Variants in PTPRM observed in about 807,000 individuals in gnomAD.
PTPRM encodes the protein protein tyrosine phosphatase receptor type M, also known as receptor-type tyrosine-protein phosphatase mu.
In PTPRM, 47 loss-of-function variants were observed where a neutral mutation model predicts 186.7. The observed-to-expected ratio is 0.25, with a 90% CI of 0.20 to 0.32. The LOEUF (loss-of-function observed/expected upper bound fraction) is 0.32, where lower values mean the gene tolerates loss of function less well. Ranked by LOEUF, PTPRM falls within the 10% of genes least tolerant of loss-of-function variation. The pLI is 1.00. For missense variants in PTPRM, 1,494 were observed against 1,865.0 expected, an observed-to-expected ratio of 0.80 and a Z score of 3.66; for synonymous variants, 668 against 674.9, an observed-to-expected ratio of 0.99 and a Z score of 0.16.
intron 1 of PTPRM, among the ~76,000 whole-genome samples, chr18:7,598,410 G>A (rs1183368995): frequency 1.3e-5 from 2 of 152,294 alleles, no homozygotes; most frequent in African/African-American, 2.4e-5. Flanking sequence ...AGACAAACAT[G>A]TTTGGTATTC....
chr18:7,777,900 G>A (rs1332596846), intron 2 of PTPRM, among the ~76,000 whole-genome samples: 7 of 152,108 alleles, frequency 4.6e-5, no homozygotes, highest in Admixed American at 3.9e-4. Context: ...TGTCATGCTA[G>A]CACTTTGGGA....
chr18:7,599,187 T>G (rs947607379), intron 1 of PTPRM, among the ~76,000 whole-genome samples: 1 of 152,188 alleles, frequency 6.6e-6, no homozygotes, highest in Non-Finnish European at 1.5e-5. Flanking sequence ...AAAGGAACTT[T>G]GAAGTCTTTA....
At chr18:7,890,572 A>C (rs1208168736) in intron 3 of PTPRM, among the ~76,000 whole-genome samples, 1 of 152,130 alleles carries the variant, frequency 6.6e-6, no homozygotes, top group Non-Finnish European at 1.5e-5. Flanking sequence ...ACACGTGTAA[A>C]TTGTTAAGAT....
intron 1 of PTPRM, among the ~76,000 whole-genome samples, chr18:7,696,792 A>G (rs1218199517): frequency 6.6e-6 from 1 of 152,224 alleles, no homozygotes; most frequent in Non-Finnish European, 1.5e-5. Context: ...TTGTTAACAC[A>G]TCAAACTTGA....
At position 7,577,278 on chromosome 18, in the gene PTPRM, T is replaced by C. The variant is rs534488731; in HGVS notation, c.73+9387T>C. ...AAAGTAAGACTGTAGTTTTATTGTG[T>C]ATAATAAAAATGTATAAATCAGTTA... On this transcript the variant is annotated intron_variant, in intron 1 of 32. Coordinates refer to ENST00000580170, the MANE Select transcript of PTPRM (RefSeq NM_001105244.2). Among the ~76,000 whole-genome samples, 6 of 152,344 alleles carry C rather than the reference T, an allele frequency of 3.9e-5. No individual in the cohort carries two copies. The East Asian group carries it at 5.8e-4, about 15-fold the overall frequency.
At chr18:8,274,962 C>T (rs2094816518) in intron 19 of PTPRM, among the ~76,000 whole-genome samples, 1 of 152,206 alleles carries the variant, frequency 6.6e-6, no homozygotes, top group South Asian at 2.1e-4. Context: ...GATTATCCTT[C>T]AGCCTGCAGT....
At chr18:8,282,334 A>G (rs1211526390) in intron 19 of PTPRM, among the ~76,000 whole-genome samples, 1 of 152,240 alleles carries the variant, frequency 6.6e-6, no homozygotes, top group Non-Finnish European at 1.5e-5. Context: ...GAACTGGTAC[A>G]GCCACTCTGG....
intron 11 of PTPRM, among the ~76,000 whole-genome samples, chr18:8,099,684 C>T (rs1238384883): frequency 6.6e-6 from 1 of 152,154 alleles, no homozygotes; most frequent in South Asian, 2.1e-4. Context: ...CCTCCCAGTT[C>T]CCACCAAATG....
In PTPRM at chr18:7,642,279, G is replaced by A. The variant is rs954875177; in HGVS notation, c.73+74388G>A. Among the ~76,000 whole-genome samples the A allele has an allele frequency of 1.1e-4, 17 of 152,260 alleles. No homozygotes were observed. The South Asian group carries it at 2.9e-3, about 26-fold the overall frequency. On this transcript the variant is annotated intron_variant, in intron 1 of 32. Coordinates refer to ENST00000580170, the MANE Select transcript of PTPRM (RefSeq NM_001105244.2). ...TACAGCAGTGGGCCCTGGGAGGAAC[G>A]GCATATACATTAAACTCCTTCCAGA...
intron 32 of PTPRM, among the ~76,000 whole-genome samples, chr18:8,396,643 A>G (rs1218349712): frequency 6.6e-6 from 1 of 152,188 alleles, no homozygotes; most frequent in Non-Finnish European, 1.5e-5. Flanking sequence ...TTTTTGTATT[A>G]TGTGTGATCC....
intron 1 of PTPRM, among the ~76,000 whole-genome samples, chr18:7,637,733 T>C (rs2038352749): frequency 6.6e-6 from 1 of 152,234 alleles, no homozygotes; most frequent in African/African-American, 2.4e-5. Flanking sequence ...AAGATGGACT[T>C]GTTGAAAGTT....
intron 7 of PTPRM, among the ~76,000 whole-genome samples, chr18:8,054,871 G>T (rs1019915876): frequency 6.6e-6 from 1 of 151,948 alleles, no homozygotes; most frequent in Non-Finnish European, 1.5e-5. Context: ...ATTTTGTCTT[G>T]ATCCTTGAAT....
chr18:7,733,689 C>G (rs2144422609), intron 1 of PTPRM, among the ~76,000 whole-genome samples: 1 of 152,292 alleles, frequency 6.6e-6, no homozygotes, highest in African/African-American at 2.4e-5. Context: ...AAGGAATGCT[C>G]TCAGCAAACA....
In PTPRM at chr18:7,574,892, C is replaced by T. The variant is rs1327279848; in HGVS notation, c.73+7001C>T. On this transcript the variant is annotated intron_variant, in intron 1 of 32. Transcript: ENST00000580170. ...TAAAAATACAAAAAAATTAGCCGGG[C>T]GTGTTGGTGGGCGCCTGTAGTCCCA... 2.6e-5 allele frequency among the ~76,000 whole-genome samples: 4 copies of T among 152,144 alleles called. No individual in the cohort carries two copies. The East Asian group carries it at 5.8e-4, about 22-fold the overall frequency.
intron 3 of PTPRM, among the ~76,000 whole-genome samples, chr18:7,904,418 G>A (rs2049868958): frequency 6.6e-6 from 1 of 152,076 alleles, no homozygotes; most frequent in South Asian, 2.1e-4. Context: ...TCTCCCTCCT[G>A]TCTCATCTTC....
rs1253260877 is a variant in PTPRM at position 8,151,474 on chromosome 18, G to A, written c.2300+7695G>A. On this transcript the variant is annotated intron_variant, in intron 14 of 32. Coordinates refer to ENST00000580170, the MANE Select transcript of PTPRM (RefSeq NM_001105244.2). ...CCTCAGCAATGGCAGGCACCCCACCGCCCCCCCCCGCCCCCCACCAAGCTG... is the reference window on the plus strand; with the variant it reads ...CCTCAGCAATGGCAGGCACCCCACCACCCCCCCCCGCCCCCCACCAAGCTG... Among the ~76,000 whole-genome samples, 26 of 67,226 alleles carry A rather than the reference G, an allele frequency of 3.9e-4. No homozygotes were observed. In the East Asian group the frequency reaches 7.1e-3, roughly 18 times the overall value. 44.1% of individuals were successfully genotyped at this position (67,226 alleles called of 152,430 possible).
chr18:7,728,974 A>G (rs2040603029), intron 1 of PTPRM, among the ~76,000 whole-genome samples: 1 of 148,694 alleles, frequency 6.7e-6, no homozygotes, highest in African/African-American at 2.5e-5. Flanking sequence ...TCAAGGCTAG[A>G]GTACAGGCCC....
intron 7 of PTPRM, among the ~76,000 whole-genome samples, chr18:7,960,559 A>C (rs1211099935): frequency 1.3e-5 from 2 of 151,482 alleles, no homozygotes; most frequent in Non-Finnish European, 2.9e-5. Context: ...GAGGACAGCC[A>C]GGGAAACATA....
At chr18:7,754,216 T>C (rs2041358639) in intron 1 of PTPRM, among the ~76,000 whole-genome samples, 1 of 152,218 alleles carries the variant, frequency 6.6e-6, no homozygotes, top group Admixed American at 6.5e-5. Context: ...CCTTGTAGTT[T>C]TTGTCATCAG....
Sources: allele counts gnomAD v4.1 joint callset (sites outside exome capture counted in the v4.1 genomes callset), GRCh38; gene constraint gnomAD v4.1.1; transcripts MANE v1.5; gene names NCBI Gene and HGNC (gene_info 2026-07-23, HGNC 2026-07-21).